The following TULP4 variants were observed in gnomAD, a reference collection of about 807,000 sequenced individuals.
TULP4 encodes the protein tubby-related protein 4.
TULP4 carries 16 observed loss-of-function variants against 129.0 expected under a neutral mutation model. That is an observed-to-expected ratio of 0.12 (90% confidence interval 0.08 to 0.19). The LOEUF (loss-of-function observed/expected upper bound fraction) is 0.19, where lower values mean the gene tolerates loss of function less well. Among genes scored for constraint, TULP4 ranks in the 10% least tolerant of loss-of-function variants. The pLI, the probability that TULP4 is intolerant of heterozygous loss-of-function variation, is 1.00. For synonymous variants in TULP4, 998 were observed against 854.0 expected, an observed-to-expected ratio of 1.17 and a Z score of -2.94; for missense variants, 1,842 against 2,059.1, an observed-to-expected ratio of 0.89 and a Z score of 2.04.
At chr6:158,385,437 C>G (rs1437876051) in intron 1 of TULP4, among the ~76,000 whole-genome samples, 1 of 152,042 alleles carries the variant, frequency 6.6e-6, no homozygotes, top group Non-Finnish European at 1.5e-5. Flanking sequence ...AGAAAGAGCT[C>G]TGGAGTCAGC....
chr6:158,465,516 G>A (rs1437443068), intron 6 of TULP4, among the ~76,000 whole-genome samples: 2 of 152,190 alleles, frequency 1.3e-5, no homozygotes, highest in Non-Finnish European at 2.9e-5. Flanking sequence ...GTGCCCAGAA[G>A]TGGACTTGCT....
chr6:158,422,198 G>T (rs923696082), intron 2 of TULP4, among the ~76,000 whole-genome samples: 13 of 152,230 alleles, frequency 8.5e-5, no homozygotes, highest in African/African-American at 2.6e-4. Flanking sequence ...TAGTTCTTTG[G>T]AAACAAATCA....
chr6:158,265,817 A>G (rs779359429), intron 1 of TULP4, among the ~76,000 whole-genome samples: 31 of 152,098 alleles, frequency 2.0e-4, no homozygotes, highest in Admixed American at 5.9e-4. Context: ...CCTCCCCACC[A>G]GTTCTTAGAT....
chr6:158,316,936 A>G (rs909761327), intron 1 of TULP4, among the ~76,000 whole-genome samples: 4 of 152,202 alleles, frequency 2.6e-5, no homozygotes, highest in African/African-American at 4.8e-5. Flanking sequence ...CTTCAAGGCC[A>G]GGAGGAGAGT....
chr6:158,455,603 G>A (rs941140081), intron 5 of TULP4, among the ~76,000 whole-genome samples: 2 of 151,948 alleles, frequency 1.3e-5, no homozygotes, highest in African/African-American at 4.8e-5. Flanking sequence ...CAGGCGTGGT[G>A]GTGCATGCCT....
intron 1 of TULP4, among the ~76,000 whole-genome samples, chr6:158,240,180 A>C (rs1370063257): frequency 2.8e-5 from 1 of 35,650 alleles, no homozygotes; most frequent in African/African-American, 9.3e-5. Context: ...TGTCCCCCCC[A>C]CCTCCCTCCC....
At chr6:158,444,233 A>AAG (rs1778977300) in intron 3 of TULP4, among the ~76,000 whole-genome samples, 2 of 139,972 alleles carry the variant, frequency 1.4e-5, no homozygotes, top group Non-Finnish European at 3.1e-5. Flanking sequence ...AAAAAAAAAA[A>AAG]AAAAAAAAAA....
chr6:158,234,713 C>G (rs1014481538), intron 1 of TULP4, among the ~76,000 whole-genome samples: 1 of 152,142 alleles, frequency 6.6e-6, no homozygotes, highest in Non-Finnish European at 1.5e-5. Context: ...TTACCAAAAG[C>G]CTTACAGAAA....
At position 158,413,035 on chromosome 6, in the gene TULP4, G is replaced by A; in HGVS notation, c.253-30G>A. The A allele has an allele frequency of 1.3e-6, 2 of 1,590,332 alleles. No individual in the cohort carries two copies. The highest frequency in any genetic ancestry group is 1.7e-6 in the Non-Finnish European group (2 of 1,165,776). On this transcript the variant is annotated intron_variant, in intron 1 of 13. Transcript: ENST00000367097. The surrounding 1 kb of genome is among the most constrained non-coding windows in gnomAD (Gnocchi z 4.9). The stretch of plus-strand genomic sequence containing the variant: ...ATCCTGGCCCACAGATTTATTTCCT[G>A]TGGTAAATGTCTTCTTGGTGGTTTT...
At chr6:158,372,164 C>CTTTTTTTTT (rs67123255) in intron 1 of TULP4, among the ~76,000 whole-genome samples, 3 of 83,322 alleles carry the variant, frequency 3.6e-5, no homozygotes, top group African/African-American at 9.9e-5. Flanking sequence ...ATTCTATCTG[C>CTTTTTTTTT]TTTTTTTTTT....
intron 1 of TULP4, among the ~76,000 whole-genome samples, chr6:158,318,899 A>T (rs916746643): frequency 1.5e-5 from 2 of 136,942 alleles, no homozygotes; most frequent in African/African-American, 2.8e-5. Context: ...CTAGTTACAA[A>T]TTTTTTTTTT....
In TULP4 at chr6:158,503,331, C is replaced by T. The variant is rs754871274; in HGVS notation, c.3668C>T (p.Pro1223Leu). 6.2e-7 allele frequency: 1 copy of T among 1,613,810 alleles called. No homozygotes were observed. Among genetic ancestry groups the T allele is most frequent in the South Asian group, 1.1e-5 (1 of 91,074 alleles). Residue 1223 changes from proline (P) to leucine (L), a missense_variant, in exon 13 of 14, where the codon CCT becomes CTT. Around this residue, in one of 5 missense-constraint regions of TULP4, gnomAD observed 1,089 missense variants for 987.1 expected, o/e 1.10. Transcript: ENST00000367097. This position sits in a 1 kb window ranked among gnomAD's most constrained non-coding sequence, Gnocchi z 4.3. ...CCAACGCAGTTTGCACAACAGGAGC[C>T]TGCTGTGGTCCTTCAGCCGCTGTAC... ...LSPTQFAQQE[P>L]AVVLQPLYPP...
intron 1 of TULP4, among the ~76,000 whole-genome samples, chr6:158,319,308 G>A (rs1779569365): frequency 6.6e-6 from 1 of 152,074 alleles, no homozygotes; most frequent in African/African-American, 2.4e-5. Context: ...TCTCAATCAG[G>A]GGTTGTGAAC....
intron 1 of TULP4, among the ~76,000 whole-genome samples, chr6:158,256,061 C>A (rs1195799065): frequency 2.0e-5 from 3 of 152,156 alleles, no homozygotes; most frequent in East Asian, 3.8e-4. Context: ...TGAACTCTTA[C>A]TATTTAAAGT....
intron 1 of TULP4, among the ~76,000 whole-genome samples, chr6:158,269,850 G>A (rs189469460): frequency 9.2e-5 from 14 of 152,346 alleles, no homozygotes; most frequent in Non-Finnish European, 1.9e-4. Context: ...TCAGGTGGTG[G>A]GAGAGCCAGG....
At chr6:158,245,242 G>T (rs1156478244) in intron 1 of TULP4, among the ~76,000 whole-genome samples, 1 of 151,112 alleles carries the variant, frequency 6.6e-6, no homozygotes, top group Non-Finnish European at 1.5e-5. Flanking sequence ...GGATCCTCCT[G>T]CCTTGCCCTC....
intron 3 of TULP4, among the ~76,000 whole-genome samples, chr6:158,446,251 A>G (rs1252367489): frequency 2.0e-5 from 3 of 152,192 alleles, no homozygotes; most frequent in Admixed American, 2.0e-4. Flanking sequence ...ACTTGTTCCA[A>G]AACAGAGTAA....
chr6:158,508,153 T>G lies in TULP4; in HGVS notation c.*1459T>G, dbSNP rs1582890691. On this transcript the variant is annotated 3_prime_UTR_variant, in exon 14 of 14. Coordinates refer to ENST00000367097, the MANE Select transcript of TULP4 (RefSeq NM_020245.5). ...AAACCCAGTGTTTTTTGTTGTTGTT[T>G]TTTGTTGTTGTTTTTTGTTTTTGTT... 6.6e-6 allele frequency: 1 copy of G among 152,230 alleles called. No individual in the cohort carries two copies. The highest frequency in any genetic ancestry group is 1.5e-5 in the Non-Finnish European group (1 of 68,064). The allele number at this position is 152,230 out of a possible 1,614,324, so 9.4% of individuals were successfully genotyped here. A position where few individuals can be genotyped will look rare whatever the true frequency, so the allele number is the denominator to read the frequency against.
chr6:158,254,379 G>A (rs1021250125), intron 1 of TULP4, among the ~76,000 whole-genome samples: 8 of 152,146 alleles, frequency 5.3e-5, no homozygotes, highest in Admixed American at 6.5e-5. Flanking sequence ...CTGACCTCAA[G>A]TGATCTACCA....
Sources: allele counts gnomAD v4.1 joint callset (sites outside exome capture counted in the v4.1 genomes callset), GRCh38; gene constraint gnomAD v4.1.1; regional missense constraint gnomAD v4.1.1; non-coding constraint Gnocchi (gnomAD v3.1); transcripts MANE v1.5; gene names NCBI Gene and HGNC (gene_info 2026-07-23, HGNC 2026-07-21).